Variants in DAGLB observed in about 807,000 individuals in gnomAD.
DAGLB encodes diacylglycerol lipase beta, also known as diacylglycerol lipase-beta.
DAGLB carries 66 observed loss-of-function variants against 72.1 expected under a neutral mutation model. The observed-to-expected ratio is 0.92, with a 90% CI of 0.75 to 1.12. The LOEUF (loss-of-function observed/expected upper bound fraction) is 1.12, where lower values mean the gene tolerates loss of function less well. DAGLB is among the 50% of genes most tolerant of loss of function. The pLI, the probability that DAGLB is intolerant of heterozygous loss-of-function variation, is 0.00. For synonymous variants in DAGLB, 414 were observed against 359.5 expected (o/e 1.15, Z -1.71); for missense variants, 1,065 against 884.9 (o/e 1.20, Z -2.58).
intron 2 of DAGLB, among the ~76,000 whole-genome samples, chr7:6,439,270 G>C (rs199515022): frequency 1.0e-4 from 13 of 130,142 alleles, no homozygotes; most frequent in African/African-American, 3.8e-4. Context: ...GAAAAAAAAA[G>C]AAAAAAAAAA....
At chr7:6,430,147 G>T (rs1454258927) in intron 6 of DAGLB, among the ~76,000 whole-genome samples, 1 of 151,174 alleles carries the variant, frequency 6.6e-6, no homozygotes, top group African/African-American at 2.4e-5. Flanking sequence ...GGAGGTTGTG[G>T]TGAGCTGAGA....
At chr7:6,436,317 T>C in intron 3 of DAGLB, 45 bp downstream of exon 3, 1 of 1,573,528 alleles carries the variant, frequency 6.4e-7, no homozygotes, top group Non-Finnish European at 8.6e-7. Flanking sequence ...TGTTCACCTA[T>C]GCCTCAAATC....
intron 9 of DAGLB, among the ~76,000 whole-genome samples, chr7:6,420,277 T>C (rs1044687801): frequency 2.6e-5 from 4 of 151,748 alleles, no homozygotes; most frequent in Non-Finnish European, 5.9e-5. Context: ...CCGTCTCTAC[T>C]AAAAATACAA....
In DAGLB at chr7:6,447,947, G is replaced by T. The variant is rs1186541954; in HGVS notation, c.-105C>A. On this transcript the variant is annotated 5_prime_UTR_variant, in exon 1 of 15. Transcript: ENST00000297056. ...GCCACCAAATTATCGGCGCTCAAGC[G>T]CAAACGCAGCGAGGGCGGGGACCTG... 4.1e-6 allele frequency: 6 copies of T among 1,452,996 alleles called. No homozygotes were observed. Among genetic ancestry groups the T allele is most frequent in the Non-Finnish European group, 5.4e-6 (6 of 1,105,818 alleles). 90.0% of individuals were successfully genotyped at this position (1,452,996 alleles called of 1,614,324 possible).
rs1207080094 is a variant in DAGLB, at chr7:6,440,596, A to G, written c.248-4063T>C. ...ACTTGATTTACGAAACAAAAGGGAC[A>G]ACAGAAGTTAGCTATGTCGGCCGGG... On this transcript the variant is annotated intron_variant, in intron 2 of 14. Coordinates refer to ENST00000297056, the MANE Select transcript of DAGLB (RefSeq NM_139179.4). Among the ~76,000 whole-genome samples, 9 of 151,866 alleles carry G rather than the reference A, an allele frequency of 5.9e-5. No individual in the cohort carries two copies. The East Asian group carries it at 1.6e-3, about 26-fold the overall frequency.
intron 6 of DAGLB, among the ~76,000 whole-genome samples, 200 bp from the exon 7 acceptor site, chr7:6,426,314 G>T (rs539193197): frequency 6.6e-6 from 1 of 152,222 alleles, no homozygotes; most frequent in South Asian, 2.1e-4. Context: ...CTGTCACCCA[G>T]GCTGGAGTAC....
rs377599203 is a variant in DAGLB at position 6,410,304 on chromosome 7, C to T, written c.1646G>A (p.Gly549Glu). 7 of 1,614,052 alleles carry T rather than the reference C, an allele frequency of 4.3e-6. No individual in the cohort carries two copies. Among genetic ancestry groups the T allele is most frequent in the Middle Eastern group, 3.3e-4 (2 of 6,060 alleles). The change falls in exon 14 of 15, where the codon GGG becomes GAG. Residue 549 changes from glycine (G) to glutamate (E), a missense_variant. By Grantham distance (98) the Gly-to-Glu change is moderately conservative. Transcript: ENST00000297056. ...NPNNLPTELD[G>E]GDQEVLTQPL... ...CTGTGTCAGGACTTCCTGGTCGCCC[C>T]CGTCCAGCTCCGTGGGCAAGTTGTT...
intron 2 of DAGLB, among the ~76,000 whole-genome samples, chr7:6,445,250 G>A (rs1034027900): frequency 1.3e-5 from 2 of 152,176 alleles, no homozygotes; most frequent in African/African-American, 4.8e-5. Flanking sequence ...ATGGCAAAGG[G>A]ATAAATAAAA....
Position 6,432,380 on chromosome 7 carries a change from G to A in DAGLB, c.801+457C>T, listed in dbSNP as rs975408758. The stretch of plus-strand genomic sequence containing the variant: ...AAAGAAAAAAAGGGGAGGGGAGGCT[G>A]GGCACGGTGGCTCACGCCTGTAATC... On this transcript the variant is annotated intron_variant, in intron 5 of 14. Coordinates refer to ENST00000297056, the MANE Select transcript of DAGLB (RefSeq NM_139179.4). 6.0e-5 allele frequency among the ~76,000 whole-genome samples: 9 copies of A among 151,142 alleles called. 1 individual carries two copies. Among genetic ancestry groups the A allele is most frequent in the Admixed American group, 4.0e-4 (6 of 15,172 alleles).
In DAGLB at chr7:6,447,908, A is replaced by G; in HGVS notation, c.-66T>C. 1 of 1,492,640 alleles carries G rather than the reference A, an allele frequency of 6.7e-7. No homozygotes were observed. The highest frequency in any genetic ancestry group is 8.9e-7 in the Non-Finnish European group (1 of 1,124,068). 92.5% of individuals were successfully genotyped at this position (1,492,640 alleles called of 1,614,324 possible). Reference sequence around the variant, plus strand: ...CGCCGTTCACCGAGAACAAACCAGCACCCTCCGGACGCCGCCACCAAATTA... The same window carrying G: ...CGCCGTTCACCGAGAACAAACCAGCGCCCTCCGGACGCCGCCACCAAATTA... On this transcript the variant is annotated 5_prime_UTR_variant, in exon 1 of 15. Coordinates refer to ENST00000297056, the MANE Select transcript of DAGLB (RefSeq NM_139179.4).
intron 5 of DAGLB, among the ~76,000 whole-genome samples, chr7:6,431,644 C>T (rs372427865): frequency 7.4e-4 from 112 of 152,106 alleles, no homozygotes; most frequent in African/African-American, 2.2e-3. Flanking sequence ...TGGTGGTGCA[C>T]GCCTGTAGTC....
At chr7:6,415,844 C>CAA (rs145952398) in intron 11 of DAGLB, among the ~76,000 whole-genome samples, 3 of 82,042 alleles carry the variant, frequency 3.7e-5, no homozygotes, top group African/African-American at 4.6e-5. Context: ...GACTCCGTCT[C>CAA]AAAAAAAAAA....
chr7:6,426,030 C>G lies in DAGLB; in HGVS notation c.1014G>C (p.Gly338=), dbSNP rs757414207. 13 of 1,614,024 alleles carry G rather than the reference C, an allele frequency of 8.1e-6. No homozygotes were observed. In the Admixed American group the frequency reaches 2.0e-4, roughly 25 times the overall value. Residue 338 remains glycine, a synonymous_variant, in exon 7 of 15, where the codon GGG becomes GGC. Transcript: ENST00000297056. ...CHFGSILHTT[G]LQYRDFIHVS... ...CGTGGATGAAGTCCCTGTACTGCAG[C>G]CCTGTGGTGTGCAGGATGGAGCCGA... is the stretch of plus-strand genomic sequence containing the variant.
chr7:6,446,245 G>T, intron 1 of DAGLB, 141 bp from the exon 2 acceptor site: 1 of 692,134 alleles, frequency 1.4e-6, no homozygotes. Flanking sequence ...GAGGTGGGCG[G>T]ATCACAAGGT....
intron 3 of DAGLB, among the ~76,000 whole-genome samples, chr7:6,436,006 GT>G (rs781533518): frequency 1.9e-4 from 29 of 151,118 alleles, no homozygotes; most frequent in Admixed American, 4.6e-4. Flanking sequence ...TTTAGTTTTA[GT>G]TTTTGCTCTG....
At chr7:6,446,253 G>A in intron 1 of DAGLB, 149 bp from the exon 2 acceptor site, 2 of 621,494 alleles carry the variant, frequency 3.2e-6, no homozygotes, top group Non-Finnish European at 4.9e-6. Context: ...CGGATCACAA[G>A]GTCAGGAGAT....
In DAGLB at chr7:6,445,969, C is replaced by A; in HGVS notation, c.231G>T (p.Met77Ile). The A allele has an allele frequency of 6.2e-7, 1 of 1,602,280 alleles. No individual in the cohort carries two copies. Among genetic ancestry groups the A allele is most frequent in the Non-Finnish European group, 8.5e-7 (1 of 1,176,438 alleles). Residue 77 changes from methionine (M) to isoleucine (I), a missense_variant, in exon 2 of 15, where the codon ATG (methionine) becomes ATT (isoleucine). Met to Ile is a conservative substitution (Grantham distance 10). Coordinates refer to ENST00000297056, the MANE Select transcript of DAGLB (RefSeq NM_139179.4). ...AVVICTVSAI[M>I]CVSMRGTICN... is the part of the protein sequence containing the mutation. ...ACTTTTTACCTCTCATGCTGACACA[C>A]ATGATGGCTGACACAGTACATATGA...
chr7:6,413,141 G>C, intron 11 of DAGLB, 107 bp from the exon 12 acceptor site: 1 of 1,186,966 alleles, frequency 8.4e-7, no homozygotes, highest in South Asian at 1.4e-5. Flanking sequence ...CCAGGCCTCA[G>C]CTCTGTTCTC....
intron 2 of DAGLB, among the ~76,000 whole-genome samples, chr7:6,443,446 ACT>A (rs1481343785): frequency 2.0e-5 from 3 of 152,018 alleles, no homozygotes; most frequent in African/African-American, 7.2e-5. Context: ...CAAGGGCAAA[ACT>A]CTGTCTCAAA....
Sources: allele counts gnomAD v4.1 joint callset (sites outside exome capture counted in the v4.1 genomes callset), GRCh38; gene constraint gnomAD v4.1.1; transcripts MANE v1.5; gene names NCBI Gene and HGNC (gene_info 2026-07-23, HGNC 2026-07-21).